Variants in TENM2 observed in about 807,000 individuals in gnomAD.
TENM2 encodes teneurin-2.
A neutral mutation model predicts 245.2 loss-of-function variants in TENM2; 52 were observed. The ratio of observed to expected loss-of-function variants is 0.21; its 90% CI spans 0.17 to 0.27. The LOEUF (loss-of-function observed/expected upper bound fraction) is 0.27. Ranked by LOEUF, TENM2 falls within the 10% of genes least tolerant of loss-of-function variation. The pLI is 1.00. For missense variants in TENM2, 3,046 were observed against 3,666.8 expected, an observed-to-expected ratio of 0.83 and a Z score of 4.37; for synonymous variants, 1,363 against 1,438.9, an observed-to-expected ratio of 0.95 and a Z score of 1.19.
the TENM2 span, among the ~76,000 whole-genome samples, chr5:167,221,456 A>G: frequency 2.0e-5 from 3 of 152,214 alleles, no homozygotes; most frequent in East Asian, 5.8e-4. Context: ...TAAAGAGAAA[A>G]TGAGGTCTCC....
chr5:167,213,839 G>C, the TENM2 span, among the ~76,000 whole-genome samples: 1 of 152,154 alleles, frequency 6.6e-6, no homozygotes, highest in Admixed American at 6.5e-5. Context: ...TTTGAAATAT[G>C]TGAGGTCTTC....
At chr5:167,763,847 G>A (rs905104023) in intron 2 of TENM2, among the ~76,000 whole-genome samples, 2 of 152,014 alleles carry the variant, frequency 1.3e-5, no homozygotes, top group Non-Finnish European at 2.9e-5. Context: ...TTTACAGTGA[G>A]CATTTTTTTT....
chr5:167,063,425 T>C, the TENM2 span, among the ~76,000 whole-genome samples: 4 of 152,230 alleles, frequency 2.6e-5, no homozygotes, highest in Admixed American at 2.6e-4. Context: ...AGCCTTACCC[T>C]TGGAGATTCC....
chr5:167,350,765 TATATATATATGGGATATATACATATGG>T (rs1561883714), intron 1 of TENM2, among the ~76,000 whole-genome samples: 91 of 132,378 alleles, frequency 6.9e-4, no homozygotes, highest in African/African-American at 2.6e-3. Flanking sequence ...TACATATGGA[TATATATATATGGGATATATACATATGG>T]ATATATATAT....
chr5:167,708,201 T>G (rs964206145), intron 2 of TENM2, among the ~76,000 whole-genome samples: 1 of 151,336 alleles, frequency 6.6e-6, no homozygotes, highest in Non-Finnish European at 1.5e-5. Context: ...TTATCACAAC[T>G]GAAGAGTGTA....
At chr5:167,323,495 T>C (rs961296813) in intron 1 of TENM2, among the ~76,000 whole-genome samples, 1 of 152,180 alleles carries the variant, frequency 6.6e-6, no homozygotes. Context: ...CTGAGATGTG[T>C]CCTCTGAATA....
At chr5:167,550,976 G>A (rs1236838697) in intron 2 of TENM2, among the ~76,000 whole-genome samples, 1 of 152,092 alleles carries the variant, frequency 6.6e-6, no homozygotes, top group Non-Finnish European at 1.5e-5. Flanking sequence ...CAATCCACCT[G>A]CCTTGGCCTC....
intron 2 of TENM2, among the ~76,000 whole-genome samples, chr5:167,485,368 T>A (rs1025090539): frequency 6.6e-6 from 1 of 152,216 alleles, no homozygotes. Flanking sequence ...CTTTTACTTA[T>A]TTTGTTGGAC....
intron 2 of TENM2, among the ~76,000 whole-genome samples, chr5:167,541,552 T>G (rs146686605): frequency 1.1e-4 from 16 of 152,282 alleles, no homozygotes; most frequent in African/African-American, 3.8e-4. Context: ...TAAAGAGAGA[T>G]AGCCGTCTCA....
At chr5:167,531,904 G>C (rs1016775691) in intron 2 of TENM2, among the ~76,000 whole-genome samples, 1 of 152,130 alleles carries the variant, frequency 6.6e-6, no homozygotes, top group Non-Finnish European at 1.5e-5. Flanking sequence ...TACCCAGCAC[G>C]TTGTCTTTTC....
intron 2 of TENM2, among the ~76,000 whole-genome samples, chr5:167,554,207 C>T (rs1386915706): frequency 6.6e-6 from 1 of 152,120 alleles, no homozygotes; most frequent in African/African-American, 2.4e-5. Flanking sequence ...ATAGGAGTGA[C>T]CTTGTTCTGG....
chr5:168,009,915 G>A (rs1302745347), intron 5 of TENM2, among the ~76,000 whole-genome samples: 3 of 152,176 alleles, frequency 2.0e-5, no homozygotes, highest in East Asian at 3.9e-4. Context: ...ATTCTACATC[G>A]GTAACCATTT....
exon 11 of TENM2, chr5:168,124,883 G>T: frequency 6.2e-7 from 1 of 1,612,976 alleles, no homozygotes; most frequent in Non-Finnish European, 8.5e-7. Flanking sequence ...TCCAGCCACG[G>T]AGTCTGTGTG....
At chr5:167,752,762 G>A (rs1203830703) in intron 2 of TENM2, among the ~76,000 whole-genome samples, 1 of 152,150 alleles carries the variant, frequency 6.6e-6, no homozygotes, top group African/African-American at 2.4e-5. Context: ...AAATAAAGTG[G>A]TTAGGCTGAC....
chr5:167,146,958 G>C, the TENM2 span, among the ~76,000 whole-genome samples: 1 of 151,992 alleles, frequency 6.6e-6, no homozygotes, highest in Non-Finnish European at 1.5e-5. Flanking sequence ...ACATCAGAAG[G>C]AATGGAGGAA....
intron 3 of TENM2, among the ~76,000 whole-genome samples, chr5:167,949,194 C>T (rs1005581670): frequency 1.3e-4 from 20 of 152,132 alleles, no homozygotes; most frequent in African/African-American, 4.1e-4. Context: ...GAACAGGGAT[C>T]GCTAGGGTTG....
At position 167,784,660 on chromosome 5, in the gene TENM2, C is replaced by T. The variant is rs148895070; in HGVS notation, c.503-91326C>T. Among the ~76,000 whole-genome samples the T allele has an allele frequency of 1.2e-3, 189 of 152,178 alleles. 1 individual carries two copies. Among genetic ancestry groups the T allele is most frequent in the African/African-American group, 4.3e-3 (180 of 41,520 alleles). On this transcript the variant is annotated intron_variant, in intron 2 of 28. Coordinates refer to ENST00000518659, the Ensembl canonical transcript of TENM2. ...CTTTTGGGTGCCAGGTATATAAAAC[C>T]ATGTTTTCCTGTCAGCCAGCCAGTG...
intron 4 of TENM2, among the ~76,000 whole-genome samples, chr5:167,972,943 C>CA (rs547100677): frequency 3.3e-5 from 5 of 152,168 alleles, no homozygotes; most frequent in Admixed American, 6.5e-5. Flanking sequence ...CCTTTCTCTT[C>CA]ATTCCCAGAC....
intron 2 of TENM2, among the ~76,000 whole-genome samples, chr5:167,628,471 T>C: frequency 6.6e-6 from 1 of 152,186 alleles, no homozygotes; most frequent in Non-Finnish European, 1.5e-5. Context: ...GACTCCTCCT[T>C]CTTCATGATC....
Sources: gnomAD v4.1 joint callset for allele counts (sites outside exome capture counted in the v4.1 genomes callset) on GRCh38, gnomAD v4.1.1 for gene constraint, MANE v1.5 for transcripts, NCBI Gene and HGNC (gene_info 2026-07-23, HGNC 2026-07-21) for gene names.